CELF4: variants seen among roughly 807,000 people sequenced by gnomAD.
CELF4 encodes CUG-BP- and ETR-3-like factor 4.
A neutral mutation model predicts 59.9 loss-of-function variants in CELF4; 18 were observed. The ratio of observed to expected loss-of-function variants is 0.30; its 90% confidence interval spans 0.21 to 0.45. The LOEUF is 0.45. Among genes scored for constraint, CELF4 ranks in the 20% least tolerant of loss-of-function variants. The pLI, the probability that CELF4 is intolerant of heterozygous loss-of-function variation, is 1.00. For synonymous variants in CELF4, 261 were observed against 267.1 expected (o/e 0.98, Z 0.22); for missense variants, 456 against 689.0 (o/e 0.66, Z 3.79).
chr18:37,353,233 A>AAAAAATATATATAT (rs71168258), intron 2 of CELF4, among the ~76,000 whole-genome samples: 9 of 106,958 alleles, frequency 8.4e-5, no homozygotes, highest in African/African-American at 1.4e-4. Flanking sequence ...AAAAAAAAAA[A>AAAAAATATATATAT]ATATATATAT....
chr18:37,272,967 A>T lies in CELF4; in HGVS notation c.949+49T>A, dbSNP rs1601662632. 1.9e-6 allele frequency: 3 copies of T among 1,552,774 alleles called. No homozygotes were observed. The East Asian group carries it at 6.8e-5, about 35-fold the overall frequency. ...TGAAATTAGGTCCCAGCCTGGGGCC[A>T]GCTGTTCTCCCACCGGGCCAGACCG... On this transcript the variant is annotated intron_variant, in intron 7 of 12. Transcript: ENST00000420428.
intron 2 of CELF4, among the ~76,000 whole-genome samples, chr18:37,475,374 G>A (rs955467019): frequency 1.3e-5 from 2 of 152,326 alleles, no homozygotes; most frequent in South Asian, 2.1e-4. Context: ...AGATGATCTA[G>A]AGTAAGCTCA....
chr18:37,445,119 C>T (rs1603641351), intron 2 of CELF4, among the ~76,000 whole-genome samples: 1 of 152,192 alleles, frequency 6.6e-6, no homozygotes, highest in Admixed American at 6.5e-5. Flanking sequence ...ACCAGCACCT[C>T]TAGTTCTGGC....
intron 7 of CELF4, among the ~76,000 whole-genome samples, chr18:37,271,318 A>G (rs886109120): frequency 7.4e-6 from 1 of 134,486 alleles, no homozygotes; most frequent in Non-Finnish European, 1.5e-5. Context: ...ACAGTGGTGC[A>G]ATCTCAGCTC....
At chr18:37,393,644 A>C (rs560150069) in intron 2 of CELF4, among the ~76,000 whole-genome samples, 2 of 152,168 alleles carry the variant, frequency 1.3e-5, no homozygotes, top group Non-Finnish European at 2.9e-5. Flanking sequence ...GGTGTGGGCT[A>C]CACTGGGTGG....
chr18:37,406,938 A>G (rs2099393251), intron 2 of CELF4, among the ~76,000 whole-genome samples: 1 of 152,164 alleles, frequency 6.6e-6, no homozygotes, highest in South Asian at 2.1e-4. Flanking sequence ...TCTGAACAAA[A>G]TGGAACGTCT....
chr18:37,306,062 A>C (rs545701566), intron 3 of CELF4: 2 of 152,328 alleles, frequency 1.3e-5, no homozygotes, highest in African/African-American at 4.8e-5. Context: ...CCTGATGGGG[A>C]AGAGGCATCA....
At chr18:37,538,251 T>C (rs2099975204) in intron 1 of CELF4, among the ~76,000 whole-genome samples, 1 of 152,166 alleles carries the variant, frequency 6.6e-6, no homozygotes, top group Admixed American at 6.5e-5. Flanking sequence ...TCCTTGTCTC[T>C]CCATGGAAGA....
At chr18:37,261,423 G>T (rs2074372478) in intron 10 of CELF4, among the ~76,000 whole-genome samples, 1 of 152,186 alleles carries the variant, frequency 6.6e-6, no homozygotes, top group South Asian at 2.1e-4. Context: ...GGGCCCGCAG[G>T]CTCAATCCCA....
chr18:37,549,303 T>G (rs1189416173), intron 1 of CELF4, among the ~76,000 whole-genome samples: 8 of 152,200 alleles, frequency 5.3e-5, no homozygotes, highest in Non-Finnish European at 1.2e-4. Context: ...ATGGGACTAG[T>G]CTCATAGCAA....
At chr18:37,331,073 G>T (rs1043391620) in intron 2 of CELF4, among the ~76,000 whole-genome samples, 1 of 152,178 alleles carries the variant, frequency 6.6e-6, no homozygotes, top group African/African-American at 2.4e-5. Context: ...TCTGATGCTT[G>T]TTGGGTCAGG....
At chr18:37,381,667 GT>G (rs2099042350) in intron 2 of CELF4, among the ~76,000 whole-genome samples, 2 of 152,140 alleles carry the variant, frequency 1.3e-5, no homozygotes, top group Admixed American at 1.3e-4. Context: ...GGATGCTGGA[GT>G]TTTTAGACTG....
intron 2 of CELF4, among the ~76,000 whole-genome samples, chr18:37,324,685 G>A (rs1390355316): frequency 6.6e-6 from 1 of 152,124 alleles, no homozygotes; most frequent in Admixed American, 6.5e-5. Flanking sequence ...ACTCAAGGCT[G>A]GAAATTGACT....
At chr18:37,263,493 C>T (rs2075944366) in intron 10 of CELF4, among the ~76,000 whole-genome samples, 1 of 152,096 alleles carries the variant, frequency 6.6e-6, no homozygotes, top group Non-Finnish European at 1.5e-5. Context: ...TGCCTCACTA[C>T]CCAGTGACCA....
At chr18:37,542,420 G>A (rs1483890091) in intron 1 of CELF4, among the ~76,000 whole-genome samples, 2 of 152,172 alleles carry the variant, frequency 1.3e-5, no homozygotes, top group Admixed American at 6.5e-5. Flanking sequence ...CAGTCATGAA[G>A]ACCTCTACTC....
At chr18:37,344,884 C>T (rs1387777124) in intron 2 of CELF4, among the ~76,000 whole-genome samples, 2 of 152,196 alleles carry the variant, frequency 1.3e-5, no homozygotes, top group Non-Finnish European at 2.9e-5. Flanking sequence ...TAGAGATGCA[C>T]ATGAAAATCC....
At chr18:37,249,198 C>A (rs949459000) in intron 12 of CELF4, among the ~76,000 whole-genome samples, 1 of 152,150 alleles carries the variant, frequency 6.6e-6, no homozygotes, top group Non-Finnish European at 1.5e-5. Context: ...CCACTTCCAA[C>A]TCCTCCCAGA....
intron 2 of CELF4, among the ~76,000 whole-genome samples, chr18:37,381,955 A>G (rs2099045437): frequency 6.6e-6 from 1 of 152,206 alleles, no homozygotes; most frequent in Non-Finnish European, 1.5e-5. Context: ...GGGGGCCTTC[A>G]TGTGCTCTAG....
chr18:37,548,273 T>C (rs960966595), intron 1 of CELF4, among the ~76,000 whole-genome samples: 1 of 152,198 alleles, frequency 6.6e-6, no homozygotes, highest in African/African-American at 2.4e-5. Flanking sequence ...AGAGATGATC[T>C]TTTTATTTAC....
Sources: gnomAD v4.1 joint callset for allele counts (sites outside exome capture counted in the v4.1 genomes callset) on GRCh38, gnomAD v4.1.1 for gene constraint, MANE v1.5 for transcripts, NCBI Gene and HGNC (gene_info 2026-07-23, HGNC 2026-07-21) for gene names.